The following SAMD4B variants were observed in gnomAD, a reference collection of about 807,000 sequenced individuals.
SAMD4B encodes protein Smaug homolog 2.
SAMD4B carries 5 observed loss-of-function variants against 74.5 expected under a neutral mutation model. The ratio of observed to expected loss-of-function variants is 0.07; its 90% CI spans 0.04 to 0.14. The LOEUF is 0.14. Among genes scored for constraint, SAMD4B ranks in the 10% least tolerant of loss-of-function variants. The pLI, the probability that SAMD4B is intolerant of heterozygous loss-of-function variation, is 1.00. For missense variants in SAMD4B, 608 were observed against 921.8 expected, an observed-to-expected ratio of 0.66 and a Z score of 4.41; for synonymous variants, 373 against 374.9, an observed-to-expected ratio of 1.00 and a Z score of 0.06.
In SAMD4B at chr19:39,385,671, G is replaced by GAAA; in HGVS notation, c.*2154_*2156dup. ...TGTTTAATGGTCTGGGCTTATTTTG[G>GAAA]AAAAAAAAAAAACAAACAAAAAAAA... On this transcript the variant is annotated 3_prime_UTR_variant, in exon 14 of 14. Coordinates refer to ENST00000610417, the MANE Select transcript of SAMD4B (RefSeq NM_001384574.2). The GAAA allele has an allele frequency of 1.1e-5, 5 of 447,680 alleles. No individual in the cohort carries two copies. The highest frequency in any genetic ancestry group is 3.4e-5 in the South Asian group (1 of 29,320). The allele number at this position is 447,680 out of a possible 1,614,324, so 27.7% of individuals were successfully genotyped here.
At chr19:39,372,228 G>A (rs2077350001) in intron 4 of SAMD4B, among the ~76,000 whole-genome samples, 1 of 152,188 alleles carries the variant, frequency 6.6e-6, no homozygotes, top group African/African-American at 2.4e-5. Flanking sequence ...GACAGATCTG[G>A]CTGGGGTGGA....
chr19:39,385,621 A>C lies in SAMD4B; in HGVS notation c.*2094A>C, dbSNP rs1170618138. On this transcript the variant is annotated 3_prime_UTR_variant, in exon 14 of 14. Transcript: ENST00000610417. ...TGTACAGTTTTTCTCGCTGTTGGAG[A>C]AGACTTATTTGTTGGAGTTTCACTT... The C allele has an allele frequency of 1.6e-5, 8 of 508,050 alleles. No homozygotes were observed. The highest frequency in any genetic ancestry group is 7.5e-5 in the Admixed American group (2 of 26,828). The allele number at this position is 508,050 out of a possible 1,614,324, so 31.5% of individuals were successfully genotyped here.
chr19:39,388,512 A>AATCCCC, downstream of SAMD4B: 2 of 1,612,944 alleles, frequency 1.2e-6, no homozygotes, highest in Non-Finnish European at 1.7e-6. Flanking sequence ...TCCCTATCCC[A>AATCCCC]ATCCCCAAAA....
chr19:39,383,685 G>A lies in SAMD4B; in HGVS notation c.*158G>A, dbSNP rs1446252068. ...CCCTCTTAACTTTTGTTTAACATTG[G>A]CACATGCCTTGCTCACTCCCAGGCC... On this transcript the variant is annotated 3_prime_UTR_variant, in exon 14 of 14. Coordinates refer to ENST00000610417, the MANE Select transcript of SAMD4B (RefSeq NM_001384574.2). The surrounding 1 kb of genome is among the most constrained non-coding windows in gnomAD (Gnocchi z 4.1). 1.3e-6 allele frequency: 2 copies of A among 1,551,922 alleles called. No homozygotes were observed. The highest frequency in any genetic ancestry group is 1.9e-5 in the Admixed American group (1 of 52,036).
At chr19:39,343,211 C>G (rs2075435099) in intron 1 of SAMD4B, among the ~76,000 whole-genome samples, 1 of 151,888 alleles carries the variant, frequency 6.6e-6, no homozygotes, top group African/African-American at 2.4e-5. Flanking sequence ...CACAGCCCAA[C>G]AGGCTCACCC....
chr19:39,375,258 C>T lies in SAMD4B; in HGVS notation c.668-392C>T, dbSNP rs1030239272. On this transcript the variant is annotated intron_variant, in intron 4 of 13. Coordinates refer to ENST00000610417, the MANE Select transcript of SAMD4B (RefSeq NM_001384574.2). The surrounding 1 kb of genome is among the most constrained non-coding windows in gnomAD (Gnocchi z 4.1). ...TTTTGTTCCCACTATGAAAGGAAGTCACAGGGATTTGAGCAGGAGTCAGGC... is the reference window on the plus strand; with the variant it reads ...TTTTGTTCCCACTATGAAAGGAAGTTACAGGGATTTGAGCAGGAGTCAGGC... 6.6e-6 allele frequency among the ~76,000 whole-genome samples: 1 copy of T among 152,146 alleles called. No individual in the cohort carries two copies. The highest frequency in any genetic ancestry group is 2.4e-5 in the African/African-American group (1 of 41,428).
At chr19:39,362,127 C>T (rs2076691519) in intron 3 of SAMD4B, among the ~76,000 whole-genome samples, 1 of 152,160 alleles carries the variant, frequency 6.6e-6, no homozygotes, top group South Asian at 2.1e-4. Context: ...CTGCTTCCTG[C>T]TCAGATAGAT....
Position 39,356,920 on chromosome 19 carries a change from C to T in SAMD4B, c.27C>T (p.Ile9=), listed in dbSNP as rs749339712. 2 of 1,612,224 alleles carry T rather than the reference C, an allele frequency of 1.2e-6. No individual in the cohort carries two copies. The highest frequency in any genetic ancestry group is 1.7e-6 in the Non-Finnish European group (2 of 1,178,818). Residue 9 remains isoleucine, a synonymous_variant, in exon 3 of 14, where the codon ATC becomes ATT. Transcript: ENST00000610417. ...TGATGTTCCGAGACCAGGTGGGCAT[C>T]CTCGCTGGCTGGTTCAAAGGCTGGA... MMFRDQVG[I]LAGWFKGWNE...
rs1386681638 is a variant in SAMD4B at position 39,342,740 on chromosome 19, C to T, written c.-267+164C>T. On this transcript the variant is annotated intron_variant, in intron 1 of 13. Coordinates refer to ENST00000610417, the MANE Select transcript of SAMD4B (RefSeq NM_001384574.2). ...GAACGCGGGCCTCGGGGGGCCGGGC[C>T]CCACGGGAGAAGCCCCGCGCCCGTC... 6.0e-5 allele frequency among the ~76,000 whole-genome samples: 9 copies of T among 151,172 alleles called. No homozygotes were observed. The East Asian group carries it at 1.6e-3, about 26-fold the overall frequency.
intron 2 of SAMD4B, among the ~76,000 whole-genome samples, chr19:39,355,410 A>C (rs1402296981): frequency 6.6e-6 from 1 of 152,180 alleles, no homozygotes; most frequent in African/African-American, 2.4e-5. Flanking sequence ...CTGTTGCCTA[A>C]TGCACCCCAC....
chr19:39,350,210 T>TGC (rs2075952289), intron 1 of SAMD4B: 1 of 152,142 alleles, frequency 6.6e-6, no homozygotes, highest in African/African-American at 2.4e-5. Flanking sequence ...AAAAGCATCA[T>TGC]GCGCGGTATT....
downstream of SAMD4B, chr19:39,389,365 C>T (rs753157225): frequency 1.2e-6 from 2 of 1,614,172 alleles, no homozygotes; most frequent in Non-Finnish European, 1.7e-6. The surrounding 1 kb of genome is among the most constrained non-coding windows in gnomAD (Gnocchi z 5.3). Flanking sequence ...ATGGCACCAC[C>T]TTCGCGTGCT....
downstream of SAMD4B, chr19:39,389,018 G>A: frequency 6.2e-7 from 1 of 1,614,020 alleles, no homozygotes; most frequent in African/African-American, 1.3e-5. The surrounding 1 kb of genome is among the most constrained non-coding windows in gnomAD (Gnocchi z 5.3). Context: ...TGTGAGATCT[G>A]GTGGAACAAA....
intron 3 of SAMD4B, among the ~76,000 whole-genome samples, chr19:39,364,369 G>A (rs555621405): frequency 8.5e-5 from 13 of 152,306 alleles, no homozygotes; most frequent in African/African-American, 2.9e-4. Context: ...TACTGGAGAA[G>A]AGAGGAAAAC....
chr19:39,389,981 G>T, downstream of SAMD4B: 3 of 1,145,486 alleles, frequency 2.6e-6, no homozygotes. This position sits in a 1 kb window ranked among gnomAD's most constrained non-coding sequence, Gnocchi z 5.3. Flanking sequence ...ACTGTGCTAG[G>T]CCCTGAGCAG....
At chr19:39,386,252 C>T, downstream of SAMD4B, 2 of 1,614,168 alleles carry the variant, frequency 1.2e-6, no homozygotes, top group Non-Finnish European at 1.7e-6. This position sits in a 1 kb window ranked among gnomAD's most constrained non-coding sequence, Gnocchi z 6.1. Flanking sequence ...CACGGGCAGC[C>T]CGGGCCTCAT....
chr19:39,352,404 A>G (rs2076090709), intron 1 of SAMD4B: 1 of 147,176 alleles, frequency 6.8e-6, no homozygotes, highest in East Asian at 2.0e-4. Flanking sequence ...GTTGTTCACT[A>G]TTGTTTCAAT....
At chr19:39,386,409 A>C (rs767042623), downstream of SAMD4B, 5 of 1,613,844 alleles carry the variant, frequency 3.1e-6, no homozygotes, top group East Asian at 1.1e-4. This position sits in a 1 kb window ranked among gnomAD's most constrained non-coding sequence, Gnocchi z 6.1. Context: ...CTCATCTGGA[A>C]GGGAGTGGAG....
At chr19:39,359,698 A>G (rs1466572232) in intron 3 of SAMD4B, among the ~76,000 whole-genome samples, 1 of 152,238 alleles carries the variant, frequency 6.6e-6, no homozygotes, top group Admixed American at 6.5e-5. Context: ...GCTGTGGGTC[A>G]CACAATTGAT....
Sources: allele counts gnomAD v4.1 joint callset (sites outside exome capture counted in the v4.1 genomes callset), GRCh38; gene constraint gnomAD v4.1.1; non-coding constraint Gnocchi (gnomAD v3.1); transcripts MANE v1.5; gene names NCBI Gene and HGNC (gene_info 2026-07-23, HGNC 2026-07-21).